Variants in CTNNA2 observed in about 807,000 individuals in gnomAD.
CTNNA2 encodes catenin alpha-2.
In CTNNA2, 42 loss-of-function variants were observed where a neutral mutation model predicts 101.0. The observed-to-expected ratio is 0.42, with a 90% CI of 0.32 to 0.54. The LOEUF (loss-of-function observed/expected upper bound fraction) is 0.54, where lower values mean the gene tolerates loss of function less well. Among genes scored for constraint, CTNNA2 ranks in the 20% least tolerant of loss-of-function variants. CTNNA2 has a pLI of 0.14. For missense variants in CTNNA2, 871 were observed against 1,223.1 expected, an observed-to-expected ratio of 0.71 and a Z score of 4.29; for synonymous variants, 450 against 456.4, an observed-to-expected ratio of 0.99 and a Z score of 0.18.
chr2:79,818,473 C>A (rs551630807), intron 3 of CTNNA2, among the ~76,000 whole-genome samples: 2 of 151,568 alleles, frequency 1.3e-5, no homozygotes, highest in Non-Finnish European at 2.9e-5. Flanking sequence ...CCACCATGCC[C>A]GGCTTATTTT....
At chr2:79,455,147 G>T (rs573220486) in intron 4 of CTNNA2, among the ~76,000 whole-genome samples, 1 of 152,184 alleles carries the variant, frequency 6.6e-6, no homozygotes, top group South Asian at 2.1e-4. Context: ...TGCTCATCAT[G>T]CATTACAAGG....
intron 7 of CTNNA2, among the ~76,000 whole-genome samples, chr2:80,132,389 A>G (rs571311577): frequency 6.6e-6 from 1 of 152,230 alleles, no homozygotes; most frequent in African/African-American, 2.4e-5. Context: ...TTCCTTCCAG[A>G]TATGCTCTAG....
At chr2:79,687,048 T>C (rs989540021) in intron 2 of CTNNA2, among the ~76,000 whole-genome samples, 7 of 152,138 alleles carry the variant, frequency 4.6e-5, no homozygotes, top group African/African-American at 1.4e-4. Context: ...ATCAATTTCC[T>C]GGGAGAAATC....
chr2:80,064,163 T>G (rs2148763413), intron 7 of CTNNA2, among the ~76,000 whole-genome samples: 2 of 152,360 alleles, frequency 1.3e-5, no homozygotes, highest in South Asian at 4.1e-4. Context: ...TTCCTCATTC[T>G]AAGCTGACAT....
At chr2:80,213,833 T>TA (rs1461744167) in intron 7 of CTNNA2, among the ~76,000 whole-genome samples, 1 of 152,192 alleles carries the variant, frequency 6.6e-6, no homozygotes, top group African/African-American at 2.4e-5. Context: ...CTCCCATTAT[T>TA]ATTATGTGGG....
chr2:79,450,481 C>T (rs1199616278), intron 4 of CTNNA2, among the ~76,000 whole-genome samples: 1 of 151,974 alleles, frequency 6.6e-6, no homozygotes, highest in Non-Finnish European at 1.5e-5. Flanking sequence ...AAAAGGATCA[C>T]ATTTTGAGTT....
At chr2:80,490,188 G>A (rs541775081) in intron 9 of CTNNA2, among the ~76,000 whole-genome samples, 4 of 151,608 alleles carry the variant, frequency 2.6e-5, no homozygotes, top group Non-Finnish European at 2.9e-5. Context: ...ACATTAGACC[G>A]TGGATAAATT....
intron 7 of CTNNA2, among the ~76,000 whole-genome samples, chr2:80,369,370 TC>T (rs1675243765): frequency 6.6e-6 from 1 of 152,130 alleles, no homozygotes; most frequent in Non-Finnish European, 1.5e-5. Flanking sequence ...ATATACATAT[TC>T]TTTGACCTAG....
chr2:80,355,118 T>C (rs1264276619), intron 7 of CTNNA2, among the ~76,000 whole-genome samples: 1 of 152,160 alleles, frequency 6.6e-6, no homozygotes, highest in Non-Finnish European at 1.5e-5. Context: ...TGGCAATGAA[T>C]CTTCTTCCTA....
chr2:79,606,255 A>G (rs1677881590), intron 1 of CTNNA2, among the ~76,000 whole-genome samples: 1 of 152,122 alleles, frequency 6.6e-6, no homozygotes, highest in Non-Finnish European at 1.5e-5. Flanking sequence ...TCTCTTGAAA[A>G]TATTGAGTGT....
chr2:80,072,565 T>C (rs555526712), intron 7 of CTNNA2, among the ~76,000 whole-genome samples: 4 of 152,318 alleles, frequency 2.6e-5, no homozygotes, highest in East Asian at 1.9e-4. Flanking sequence ...GTAACTTCAT[T>C]TCCATTTTTG....
Position 80,007,391 on chromosome 2 carries a change from G to C in CTNNA2, c.1056+97594G>C, listed in dbSNP as rs576927921. ...TATAAATATCTACATATTTATCCATGAGAAGAAACAGGATATGAGTTTACA... is the reference window on the plus strand; with the variant it reads ...TATAAATATCTACATATTTATCCATCAGAAGAAACAGGATATGAGTTTACA... On this transcript the variant is annotated intron_variant, in intron 7 of 18. Coordinates refer to ENST00000402739, the MANE Select transcript of CTNNA2 (RefSeq NM_001282597.3). Among the ~76,000 whole-genome samples, 7 of 152,228 alleles carry C rather than the reference G, an allele frequency of 4.6e-5. No individual in the cohort carries two copies. The South Asian group carries it at 1.5e-3, about 32-fold the overall frequency.
chr2:79,917,267 A>C (rs903360170), intron 7 of CTNNA2, among the ~76,000 whole-genome samples: 12 of 151,516 alleles, frequency 7.9e-5, no homozygotes, highest in African/African-American at 2.9e-4. Context: ...GACGGGTTTC[A>C]GCATGTTGGC....
intron 3 of CTNNA2, among the ~76,000 whole-genome samples, chr2:79,834,611 A>G (rs980842501): frequency 4.2e-5 from 6 of 141,644 alleles, no homozygotes; most frequent in East Asian, 2.1e-4. Context: ...TTACATTTTC[A>G]TATTCAAACT....
intron 18 of CTNNA2, among the ~76,000 whole-genome samples, chr2:80,631,977 A>C (rs898674557): frequency 6.6e-6 from 1 of 152,138 alleles, no homozygotes; most frequent in Non-Finnish European, 1.5e-5. Context: ...GAAAAAAAAT[A>C]AAGTATATTA....
intron 4 of CTNNA2, among the ~76,000 whole-genome samples, chr2:79,408,602 A>G (rs546683141): frequency 1.6e-4 from 24 of 151,854 alleles, no homozygotes; most frequent in Admixed American, 1.2e-3. Flanking sequence ...ATGATTTCCA[A>G]TTTCATCCAT....
At chr2:80,040,708 C>T (rs1176331255) in intron 7 of CTNNA2, among the ~76,000 whole-genome samples, 2 of 152,202 alleles carry the variant, frequency 1.3e-5, no homozygotes, top group Non-Finnish European at 2.9e-5. Context: ...ACTCCCAGGC[C>T]TCTGTGAATG....
intron 3 of CTNNA2, among the ~76,000 whole-genome samples, chr2:79,344,314 A>G (rs1300399489): frequency 1.3e-5 from 2 of 152,166 alleles, no homozygotes; most frequent in African/African-American, 4.8e-5. Context: ...TTTGATTTTC[A>G]TGTATGCTGA....
At chr2:80,535,139 G>A (rs531810332) in intron 9 of CTNNA2, among the ~76,000 whole-genome samples, 108 of 152,162 alleles carry the variant, frequency 7.1e-4, no homozygotes, top group African/African-American at 2.1e-3. Context: ...AGCTCCCTTC[G>A]GTTTTTATCA....
Sources: allele counts gnomAD v4.1 joint callset (sites outside exome capture counted in the v4.1 genomes callset), GRCh38; gene constraint gnomAD v4.1.1; transcripts MANE v1.5; gene names NCBI Gene and HGNC (gene_info 2026-07-23, HGNC 2026-07-21).